The following SYNJ2BP variants were observed in gnomAD, a reference collection of about 807,000 sequenced individuals.
SYNJ2BP encodes synaptojanin-2-binding protein.
A neutral mutation model predicts 16.9 loss-of-function variants in SYNJ2BP; 10 were observed. That is an observed-to-expected ratio of 0.59 (90% CI 0.36 to 1.00). The LOEUF (loss-of-function observed/expected upper bound fraction) is 1.00, where lower values mean the gene tolerates loss of function less well. Ranked by LOEUF, SYNJ2BP falls within the 50% of genes least tolerant of loss-of-function variation. The pLI is 0.01. For synonymous variants in SYNJ2BP, 54 were observed against 68.4 expected, an observed-to-expected ratio of 0.79 and a Z score of 1.04; for missense variants, 162 against 186.7, an observed-to-expected ratio of 0.87 and a Z score of 0.77.
intron 2 of SYNJ2BP, among the ~76,000 whole-genome samples, chr14:70,382,211 A>G (rs576698622): frequency 6.6e-6 from 1 of 152,326 alleles, no homozygotes; most frequent in East Asian, 1.9e-4. Flanking sequence ...ATTCCAGTCT[A>G]GGTGACAGAG....
At chr14:70,381,643 T>C (rs1887752317) in intron 2 of SYNJ2BP, among the ~76,000 whole-genome samples, 1 of 152,194 alleles carries the variant, frequency 6.6e-6, no homozygotes, top group South Asian at 2.1e-4. Context: ...CCAGTGGTTC[T>C]CAAAGTGTGG....
chr14:70,375,577 T>C (rs1456337881), intron 3 of SYNJ2BP, 99 bp downstream of exon 3: 1 of 1,430,976 alleles, frequency 7.0e-7, no homozygotes, highest in Non-Finnish European at 9.3e-7. Flanking sequence ...GGAGTGAGGG[T>C]AAAACAAAAA....
intron 1 of SYNJ2BP, among the ~76,000 whole-genome samples, chr14:70,392,475 G>A (rs1328211668): frequency 6.6e-6 from 1 of 151,960 alleles, no homozygotes; most frequent in East Asian, 1.9e-4. Context: ...TAAGTGTTAG[G>A]GGCCAATAAC....
intron 1 of SYNJ2BP, among the ~76,000 whole-genome samples, chr14:70,412,254 G>T (rs1888489049): frequency 6.6e-6 from 1 of 152,106 alleles, no homozygotes; most frequent in African/African-American, 2.4e-5. Context: ...GGAAAGGTTG[G>T]CAGTCAACTT....
intron 1 of SYNJ2BP, among the ~76,000 whole-genome samples, chr14:70,403,507 T>C (rs1312534033): frequency 2.6e-5 from 4 of 152,186 alleles, no homozygotes; most frequent in African/African-American, 9.7e-5. Context: ...CAGGCTGCTG[T>C]AAAGAAGCTG....
At chr14:70,402,955 G>A (rs1475925781) in intron 1 of SYNJ2BP, among the ~76,000 whole-genome samples, 2 of 152,198 alleles carry the variant, frequency 1.3e-5, no homozygotes. Flanking sequence ...CAATGGGAAA[G>A]ACACTGGCTT....
At chr14:70,400,599 A>G (rs1382146047) in intron 1 of SYNJ2BP, among the ~76,000 whole-genome samples, 2 of 152,228 alleles carry the variant, frequency 1.3e-5, no homozygotes, top group Admixed American at 1.3e-4. Flanking sequence ...AATCTTCCAC[A>G]ACTTGTTTAA....
At chr14:70,393,735 TAAGTGGGA>T (rs1379103951) in intron 1 of SYNJ2BP, among the ~76,000 whole-genome samples, 1 of 148,704 alleles carries the variant, frequency 6.7e-6, no homozygotes, top group African/African-American at 2.5e-5. Flanking sequence ...CTCACTCACA[TAAGTGGGA>T]GCCGAACAAT....
intron 1 of SYNJ2BP, among the ~76,000 whole-genome samples, chr14:70,394,258 G>A (rs1255172647): frequency 6.6e-6 from 1 of 151,834 alleles, no homozygotes; most frequent in Admixed American, 6.6e-5. Context: ...GAAATATAAA[G>A]ACACATTAGA....
intron 2 of SYNJ2BP, among the ~76,000 whole-genome samples, chr14:70,382,115 A>G (rs1232323036): frequency 3.9e-5 from 6 of 152,174 alleles, no homozygotes; most frequent in Non-Finnish European, 4.4e-5. Flanking sequence ...AGGCGCCTGT[A>G]GTCCCAGCTA....
Position 70,370,261 on chromosome 14 carries a change from G to C in SYNJ2BP, c.*2730C>G, listed in dbSNP as rs971603902. ...TTTGTGTGTCTCAAGGCTCTCTCAGGAATCAGTGTCCAAACCATGAGGTGA... is the reference window on the plus strand; with the variant it reads ...TTTGTGTGTCTCAAGGCTCTCTCAGCAATCAGTGTCCAAACCATGAGGTGA... On this transcript the variant is annotated 3_prime_UTR_variant, in exon 4 of 4. Transcript: ENST00000256366. 6 of 152,098 alleles carry C rather than the reference G, an allele frequency of 3.9e-5. No individual in the cohort carries two copies. Among genetic ancestry groups the C allele is most frequent in the African/African-American group, 1.4e-4 (6 of 41,394 alleles). The allele number at this position is 152,098 out of a possible 1,614,324, so 9.4% of individuals were successfully genotyped here.
chr14:70,390,482 C>T (rs542744425), intron 1 of SYNJ2BP, among the ~76,000 whole-genome samples: 1 of 151,968 alleles, frequency 6.6e-6, no homozygotes, highest in South Asian at 2.1e-4. Context: ...TCTTGGCTAA[C>T]ACAGTGAAAC....
chr14:70,406,275 T>A (rs1292604339), intron 1 of SYNJ2BP, among the ~76,000 whole-genome samples: 1 of 152,198 alleles, frequency 6.6e-6, no homozygotes, highest in Non-Finnish European at 1.5e-5. Flanking sequence ...TGAAACTGCC[T>A]TTCCAAAAAT....
intron 1 of SYNJ2BP, among the ~76,000 whole-genome samples, chr14:70,412,691 T>A (rs1888514531): frequency 1.3e-5 from 2 of 151,456 alleles, no homozygotes; most frequent in Admixed American, 1.3e-4. Flanking sequence ...AACACTGCCA[T>A]CAACCCATCA....
chr14:70,416,889 T>A lies in SYNJ2BP; in HGVS notation c.64+11A>T. On this transcript the variant is annotated intron_variant, in intron 1 of 3. Coordinates refer to ENST00000256366, the MANE Select transcript of SYNJ2BP (RefSeq NM_018373.3). ...TCCCCTACTGTCAGATATGACCCTT[T>A]CCGCACATACCTGAGGGCCCTCTGG... 6.2e-7 allele frequency: 1 copy of A among 1,614,114 alleles called. No individual in the cohort carries two copies. The highest frequency in any genetic ancestry group is 8.5e-7 in the Non-Finnish European group (1 of 1,180,018).
intron 2 of SYNJ2BP, among the ~76,000 whole-genome samples, chr14:70,377,024 C>A (rs1243502659): frequency 6.6e-6 from 1 of 152,180 alleles, no homozygotes; most frequent in Non-Finnish European, 1.5e-5. Flanking sequence ...CTTTGTAAAC[C>A]AATAGTTTCC....
intron 1 of SYNJ2BP, among the ~76,000 whole-genome samples, chr14:70,390,313 T>C (rs1887952616): frequency 2.0e-5 from 3 of 152,088 alleles, no homozygotes; most frequent in Non-Finnish European, 4.4e-5. Flanking sequence ...AGCGGTGCAA[T>C]TGGAAGGAAT....
chr14:70,379,226 A>G (rs1887696831), intron 2 of SYNJ2BP, among the ~76,000 whole-genome samples: 1 of 152,202 alleles, frequency 6.6e-6, no homozygotes, highest in South Asian at 2.1e-4. Context: ...TCTCCAGATT[A>G]ATCTTCCTAA....
In SYNJ2BP at chr14:70,372,936, G is replaced by T; in HGVS notation, c.*55C>A. The T allele has an allele frequency of 6.2e-7, 1 of 1,604,066 alleles. No individual in the cohort carries two copies. Among genetic ancestry groups the T allele is most frequent in the Non-Finnish European group, 8.5e-7 (1 of 1,176,282 alleles). On this transcript the variant is annotated 3_prime_UTR_variant, in exon 4 of 4. Coordinates refer to ENST00000256366, the MANE Select transcript of SYNJ2BP (RefSeq NM_018373.3). ...GGAAAGACATGGCAGAATAGCAGGG[G>T]TGGAGGGTGAGTGAAATGTATCTTC...
Sources: allele counts gnomAD v4.1 joint callset (sites outside exome capture counted in the v4.1 genomes callset), GRCh38; gene constraint gnomAD v4.1.1; transcripts MANE v1.5; gene names NCBI Gene and HGNC (gene_info 2026-07-23, HGNC 2026-07-21).